CACNA1B: variants seen among roughly 807,000 people sequenced by gnomAD.
CACNA1B encodes the protein voltage-dependent N-type calcium channel subunit alpha-1B.
A neutral mutation model predicts 247.2 loss-of-function variants in CACNA1B; 70 were observed. That is an observed-to-expected ratio of 0.28 (90% confidence interval 0.23 to 0.35). The LOEUF is 0.35. Ranked by LOEUF, CACNA1B falls within the 10% of genes least tolerant of loss-of-function variation. The probability of loss-of-function intolerance (pLI) is 1.00; values close to 1 mark genes in which losing one functional copy is unlikely to be tolerated. For synonymous variants in CACNA1B, 1,231 were observed against 1,294.4 expected (o/e 0.95, Z 1.05); for missense variants, 2,367 against 3,197.4 (o/e 0.74, Z 6.26).
intron 17 of CACNA1B, 30 bp from the exon 18 acceptor site, chr9:138,013,099 G>A (rs771516808): frequency 3.9e-6 from 6 of 1,534,104 alleles, no homozygotes; most frequent in East Asian, 2.2e-5. Context: ...CACTGTGAGG[G>A]GAACTGGACA....
chr9:138,099,121 A>G (rs900611743), intron 37 of CACNA1B, among the ~76,000 whole-genome samples: 2 of 152,158 alleles, frequency 1.3e-5, no homozygotes, highest in African/African-American at 4.8e-5. Flanking sequence ...GTGTGTGCAC[A>G]TGTGTGGTGC....
rs1460429234 is a variant in CACNA1B, at chr9:137,881,738, C to T, written c.391-1006C>T. On this transcript the variant is annotated intron_variant, in intron 2 of 46. Coordinates refer to ENST00000371372, the MANE Select transcript of CACNA1B (RefSeq NM_000718.4). The surrounding 1 kb of genome is among the most constrained non-coding windows in gnomAD (Gnocchi z 4.3). ...CTTTGGGGTCTCCCTAAGCTCCACA[C>T]AGCCCCATCTCCACCCTGTTTGCTG... Among the ~76,000 whole-genome samples, 2 of 152,238 alleles carry T rather than the reference C, an allele frequency of 1.3e-5. No individual in the cohort carries two copies. The highest frequency in any genetic ancestry group is 1.3e-4 in the Admixed American group (2 of 15,292).
Position 137,990,614 on chromosome 9 carries a change from C to T in CACNA1B, c.1974+3760C>T, listed in dbSNP as rs1232214601. Among the ~76,000 whole-genome samples the T allele has an allele frequency of 6.6e-6, 1 of 152,014 alleles. No homozygotes were observed. The highest frequency in any genetic ancestry group is 2.4e-5 in the African/African-American group (1 of 41,368). ...GAGTCCACTTCACTCCCCTGCTACC[C>T]CCACCAGAGCAGGTGCTGGAGGTCA... On this transcript the variant is annotated intron_variant, in intron 15 of 46. Transcript: ENST00000371372. This position sits in a 1 kb window ranked among gnomAD's most constrained non-coding sequence, Gnocchi z 4.5.
chr9:137,912,182 T>C (rs1156687840), intron 3 of CACNA1B, among the ~76,000 whole-genome samples: 1 of 152,196 alleles, frequency 6.6e-6, no homozygotes, highest in Non-Finnish European at 1.5e-5. Flanking sequence ...GGATTAAAGA[T>C]ACACACTTGG....
chr9:137,908,194 G>C (rs1393149535), intron 3 of CACNA1B, among the ~76,000 whole-genome samples: 1 of 152,192 alleles, frequency 6.6e-6, no homozygotes. Context: ...AGTTCTACCA[G>C]GGTTCTGCTG....
At chr9:137,978,897 C>T (rs2133374800) in intron 12 of CACNA1B, among the ~76,000 whole-genome samples, 1 of 152,260 alleles carries the variant, frequency 6.6e-6, no homozygotes, top group East Asian at 1.9e-4. Flanking sequence ...AGGCAGTGGC[C>T]ATCCAGGGTG....
chr9:138,031,104 T>G (rs1489682029), intron 20 of CACNA1B, among the ~76,000 whole-genome samples: 2 of 152,216 alleles, frequency 1.3e-5, no homozygotes, highest in African/African-American at 4.8e-5. Context: ...CTTTTGCTCT[T>G]CTTTTCTAGT....
Position 137,882,733 on chromosome 9 carries a change from G to C in CACNA1B, c.391-11G>C. On this transcript the variant is annotated splice_polypyrimidine_tract_variant and intron_variant, in intron 2 of 46. Transcript: ENST00000371372. This position sits in a 1 kb window ranked among gnomAD's most constrained non-coding sequence, Gnocchi z 4.0. ...GGGCCAGGGGTGACCACTGTTCTGC[G>C]CTTCTCCTAGGACGACACGGAGCCC... 1 of 1,613,810 alleles carries C rather than the reference G, an allele frequency of 6.2e-7. No homozygotes were observed.
chr9:137,886,962 C>T (rs867326249), intron 3 of CACNA1B, among the ~76,000 whole-genome samples: 3 of 150,890 alleles, frequency 2.0e-5, no homozygotes, highest in Non-Finnish European at 3.0e-5. Context: ...GGTGGTGATT[C>T]GAGGGACATG....
intron 34 of CACNA1B, 37 bp from the exon 35 acceptor site, chr9:138,075,782 C>G (rs369950173): frequency 2.8e-6 from 4 of 1,410,716 alleles, no homozygotes; most frequent in Non-Finnish European, 4.0e-6. Context: ...TCCTGCAGAC[C>G]CAGCAGGGTC....
At chr9:137,987,916 G>T (rs1017628360) in intron 15 of CACNA1B, among the ~76,000 whole-genome samples, 18 of 152,206 alleles carry the variant, frequency 1.2e-4, no homozygotes, top group African/African-American at 4.3e-4. Context: ...AGGTGCATCT[G>T]CCCCAGGCCT....
At chr9:137,930,361 A>G (rs1190244716) in intron 6 of CACNA1B, among the ~76,000 whole-genome samples, 1 of 152,160 alleles carries the variant, frequency 6.6e-6, no homozygotes, top group Non-Finnish European at 1.5e-5. Context: ...TGAGATTATT[A>G]TATAGAACTG....
chr9:138,036,170 C>T (rs1011794026), intron 20 of CACNA1B, among the ~76,000 whole-genome samples: 7 of 151,724 alleles, frequency 4.6e-5, no homozygotes, highest in African/African-American at 1.5e-4. Context: ...GACGGAGTCT[C>T]GCTCTGTCGC....
chr9:138,025,187 G>C lies in CACNA1B; in HGVS notation c.3286+15G>C. 1 of 1,565,920 alleles carries C rather than the reference G, an allele frequency of 6.4e-7. No individual in the cohort carries two copies. The highest frequency in any genetic ancestry group is 8.7e-7 in the Non-Finnish European group (1 of 1,144,256). ...GGTCGTTCCCAGTGAGTATCTCCCT[G>C]TGCCAGTGGGGCAGGGCCCATCTTG... On this transcript the variant is annotated intron_variant, in intron 20 of 46. Coordinates refer to ENST00000371372, the MANE Select transcript of CACNA1B (RefSeq NM_000718.4).
chr9:137,958,594 G>C (rs1035165738), intron 10 of CACNA1B, among the ~76,000 whole-genome samples: 2 of 152,214 alleles, frequency 1.3e-5, no homozygotes, highest in Admixed American at 6.5e-5. Context: ...TATTTCTAGT[G>C]CTTTTATCTC....
chr9:138,044,466 AGACAC>A (rs1295461896), intron 21 of CACNA1B, among the ~76,000 whole-genome samples: 4 of 152,266 alleles, frequency 2.6e-5, no homozygotes, highest in Admixed American at 2.6e-4. Flanking sequence ...GGCGGACGAC[AGACAC>A]GACAAATAAG....
chr9:137,982,406 C>T (rs1490518408), intron 12 of CACNA1B, among the ~76,000 whole-genome samples: 1 of 152,190 alleles, frequency 6.6e-6, no homozygotes, highest in Non-Finnish European at 1.5e-5. Context: ...TAAGAGTTCC[C>T]AAGACAGAAA....
rs1367265866 is a variant in CACNA1B, at chr9:138,007,049, A to G, written c.2092+165A>G. 6.8e-6 allele frequency among the ~76,000 whole-genome samples: 1 copy of G among 146,962 alleles called. No homozygotes were observed. On this transcript the variant is annotated intron_variant, in intron 16 of 46. Coordinates refer to ENST00000371372, the MANE Select transcript of CACNA1B (RefSeq NM_000718.4). The surrounding 1 kb of genome is among the most constrained non-coding windows in gnomAD (Gnocchi z 4.1). ...AACATTCTGCAGGTGGCCGGAGCGC[A>G]GGGCTCTGGAGGCTTTGGGACTCAG...
At chr9:138,022,373 C>G (rs1958855621) in intron 18 of CACNA1B, among the ~76,000 whole-genome samples, 1 of 152,096 alleles carries the variant, frequency 6.6e-6, no homozygotes, top group Non-Finnish European at 1.5e-5. Flanking sequence ...GGCAGAGGCT[C>G]TGCGTTTGCT....
Sources: gnomAD v4.1 joint callset for allele counts (sites outside exome capture counted in the v4.1 genomes callset) on GRCh38, gnomAD v4.1.1 for gene constraint, Gnocchi (gnomAD v3.1) non-coding constraint, MANE v1.5 for transcripts, NCBI Gene and HGNC (gene_info 2026-07-23, HGNC 2026-07-21) for gene names.